Variants in RAB3IL1 observed in about 807,000 individuals in gnomAD.
The protein encoded by RAB3IL1 is RAB3A interacting protein like 1, also known as guanine nucleotide exchange factor for Rab-3A.
In RAB3IL1, 37 loss-of-function variants were observed where a neutral mutation model predicts 49.2. The observed-to-expected ratio is 0.75, with a 90% CI of 0.58 to 0.99. RAB3IL1 has a LOEUF of 0.99. Ranked by LOEUF, RAB3IL1 falls within the 50% of genes least tolerant of loss-of-function variation. The pLI is 0.00. For synonymous variants in RAB3IL1, 193 were observed against 213.9 expected, an observed-to-expected ratio of 0.90 and a Z score of 0.85; for missense variants, 484 against 513.0, an observed-to-expected ratio of 0.94 and a Z score of 0.55.
intron 1 of RAB3IL1, among the ~76,000 whole-genome samples, chr11:61,915,864 T>C (rs969593181): frequency 1.3e-5 from 2 of 151,206 alleles, no homozygotes; most frequent in South Asian, 2.1e-4. Flanking sequence ...GGTGAAACCC[T>C]GTCTCTACTA....
intron 1 of RAB3IL1, among the ~76,000 whole-genome samples, chr11:61,915,204 G>A (rs893278089): frequency 6.6e-6 from 1 of 152,226 alleles, no homozygotes; most frequent in South Asian, 2.1e-4. Flanking sequence ...CCCTGGGGGT[G>A]CAGGGGTGCA....
chr11:61,936,657 G>C, the RAB3IL1 span, among the ~76,000 whole-genome samples: 1 of 152,112 alleles, frequency 6.6e-6, no homozygotes, highest in Non-Finnish European at 1.5e-5. Context: ...AGAGAATCTT[G>C]AAAACAACAA....
At chr11:61,907,691 C>CT in intron 2 of RAB3IL1, 31 bp from the exon 3 acceptor site, 1 of 1,603,054 alleles carries the variant, frequency 6.2e-7, no homozygotes, top group Non-Finnish European at 8.5e-7. Context: ...ACTTGAGCAC[C>CT]TCAGCATCCC....
the RAB3IL1 span, among the ~76,000 whole-genome samples, chr11:61,944,171 C>T: frequency 6.7e-6 from 1 of 148,494 alleles, no homozygotes. Flanking sequence ...TGGAGTCCTC[C>T]CTACCTCCTT....
In RAB3IL1 at chr11:61,904,570, GCCACCTTCA is replaced by G. The variant is rs765721296; in HGVS notation, c.866_874del (p.Val289_Val291del). On this transcript the variant is annotated inframe_deletion, in exon 7 of 10. Coordinates refer to ENST00000394836, the MANE Select transcript of RAB3IL1 (RefSeq NM_013401.4). ...CTTGGTGCTGCTACAGTCAACCTCG[GCCACCTTCA>G]CTGTGGGCAGCGTCTGCGAAGCCAC... 7.1e-5 allele frequency: 114 copies of G among 1,612,412 alleles called. No homozygotes were observed. Among genetic ancestry groups the G allele is most frequent in the Non-Finnish European group, 9.2e-5 (108 of 1,179,450 alleles).
chr11:61,928,012 G>A, the RAB3IL1 span, among the ~76,000 whole-genome samples: 1 of 152,102 alleles, frequency 6.6e-6, no homozygotes, highest in African/African-American at 2.4e-5. Context: ...AGACTAAGAG[G>A]AGTCATTGAA....
At chr11:61,934,073 C>T in the RAB3IL1 span, among the ~76,000 whole-genome samples, 2 of 152,194 alleles carry the variant, frequency 1.3e-5, no homozygotes, top group South Asian at 2.1e-4. Context: ...GGTAGAAAGT[C>T]TAGCTATACT....
intron 1 of RAB3IL1, among the ~76,000 whole-genome samples, chr11:61,913,672 G>A (rs1223764474): frequency 1.3e-5 from 2 of 152,124 alleles, no homozygotes; most frequent in Non-Finnish European, 2.9e-5. Context: ...TGGCGACCCT[G>A]CCCATTCAGT....
chr11:61,908,027 AC>A, intron 2 of RAB3IL1, 26 bp downstream of exon 2: 13 of 1,578,920 alleles, frequency 8.2e-6, no homozygotes, highest in South Asian at 1.1e-5. Context: ...CCCACCGAAG[AC>A]CCCCCAGCCT....
At chr11:61,912,423 G>T (rs905475595) in intron 1 of RAB3IL1, among the ~76,000 whole-genome samples, 15 of 152,240 alleles carry the variant, frequency 9.9e-5, no homozygotes, top group Non-Finnish European at 1.2e-4. Context: ...GCCCAGCAAA[G>T]CTTGGCTCCC....
chr11:61,928,923 G>A, the RAB3IL1 span, among the ~76,000 whole-genome samples: 1 of 152,102 alleles, frequency 6.6e-6, no homozygotes, highest in Non-Finnish European at 1.5e-5. Flanking sequence ...CCAGGTAGTG[G>A]TCTCCTATAT....
intron 8 of RAB3IL1, among the ~76,000 whole-genome samples, chr11:61,901,069 G>A (rs772463710): frequency 1.6e-4 from 25 of 152,120 alleles, no homozygotes; most frequent in Non-Finnish European, 3.2e-4. Context: ...TCAGCACACC[G>A]CTGGGAGGAC....
In RAB3IL1 at chr11:61,898,478, G is replaced by A. The variant is rs1345927795; in HGVS notation, c.1067-118C>T. On this transcript the variant is annotated intron_variant, in intron 9 of 9. Coordinates refer to ENST00000394836, the MANE Select transcript of RAB3IL1 (RefSeq NM_013401.4). This position sits in a 1 kb window ranked among gnomAD's most constrained non-coding sequence, Gnocchi z 5.1. ...GCTGGCACAGCACCCTAGGGTCCCC[G>A]GCCCCCAAAACAGATGACCTCAGTG... 2.3e-5 allele frequency: 19 copies of A among 814,170 alleles called. No individual in the cohort carries two copies. The highest frequency in any genetic ancestry group is 2.0e-4 in the East Asian group (8 of 40,848). The allele number at this position is 814,170 out of a possible 1,614,324, so 50.4% of individuals were successfully genotyped here. A position where few individuals can be genotyped will look rare whatever the true frequency, so the allele number is the denominator to read the frequency against.
chr11:61,908,192 G>C lies in RAB3IL1; in HGVS notation c.126C>G (p.Thr42=), dbSNP rs751550952. 2.6e-6 allele frequency: 4 copies of C among 1,549,928 alleles called. No individual in the cohort carries two copies. The highest frequency in any genetic ancestry group is 8.7e-7 in the Non-Finnish European group (1 of 1,148,430). Reference sequence around the variant, plus strand: ...GGCCTTGGGCCTCCTCCCCTGCAGAGGTCTCCACCAGGGCTCCTGGGGACT... The same window carrying C: ...GGCCTTGGGCCTCCTCCCCTGCAGACGTCTCCACCAGGGCTCCTGGGGACT... ...HRESPGALVE[T]SAGEEAQGQE... is the part of the protein sequence containing the mutation. Residue 42 remains threonine, a synonymous_variant, in exon 2 of 10, where the codon ACC becomes ACG. Transcript: ENST00000394836.
chr11:61,898,413 G>A lies in RAB3IL1; in HGVS notation c.1067-53C>T, dbSNP rs1938722899. The A allele has an allele frequency of 4.7e-6, 7 of 1,499,218 alleles. No individual in the cohort carries two copies. The South Asian group carries it at 5.6e-5, about 12-fold the overall frequency. 92.9% of individuals were successfully genotyped at this position (1,499,218 alleles called of 1,614,324 possible). A position where few individuals can be genotyped will look rare whatever the true frequency, so the allele number is the denominator to read the frequency against. ...CGGGGACAGCTCAGGGTCACCTCGG[G>A]CAGATGGCCAGGTCCCCTCCTGTGG... is the stretch of plus-strand genomic sequence containing the variant. On this transcript the variant is annotated intron_variant, in intron 9 of 9. Coordinates refer to ENST00000394836, the MANE Select transcript of RAB3IL1 (RefSeq NM_013401.4). This position sits in a 1 kb window ranked among gnomAD's most constrained non-coding sequence, Gnocchi z 5.1.
intron 5 of RAB3IL1, among the ~76,000 whole-genome samples, chr11:61,905,344 G>A (rs963631095): frequency 2.0e-5 from 3 of 152,190 alleles, no homozygotes; most frequent in African/African-American, 7.2e-5. Context: ...GCAGAATGAG[G>A]GAGGCTGGGA....
chr11:61,934,450 G>GTGTATGTATGTGTATATATA, the RAB3IL1 span, among the ~76,000 whole-genome samples: 2 of 31,612 alleles, frequency 6.3e-5, no homozygotes, highest in African/African-American at 9.1e-5. Context: ...GTGTGTGTAT[G>GTGTATGTATGTGTATATATA]TATATATATA....
At chr11:61,934,401 TTTGTATATATAC>T in the RAB3IL1 span, among the ~76,000 whole-genome samples, 1 of 141,258 alleles carries the variant, frequency 7.1e-6, no homozygotes, top group African/African-American at 2.6e-5. Flanking sequence ...TATACATATA[TTTGTATATATAC>T]ATATATATGT....
chr11:61,925,634 C>CA, the RAB3IL1 span, among the ~76,000 whole-genome samples: 128,443 of 146,856 alleles, frequency 0.87, 56,696 homozygotes, highest in South Asian at 0.97. Context: ...GACTGTGTCT[C>CA]AAAAAAAAAA....
Sources: allele counts gnomAD v4.1 joint callset (sites outside exome capture counted in the v4.1 genomes callset), GRCh38; gene constraint gnomAD v4.1.1; non-coding constraint Gnocchi (gnomAD v3.1); transcripts MANE v1.5; gene names NCBI Gene and HGNC (gene_info 2026-07-23, HGNC 2026-07-21).